Variants in CCDC97 observed in about 807,000 individuals in gnomAD.
CCDC97 encodes coiled-coil domain containing 97.
CCDC97 carries 27 observed loss-of-function variants against 33.9 expected under a neutral mutation model. The ratio of observed to expected loss-of-function variants is 0.80; its 90% CI spans 0.59 to 1.10. The LOEUF (loss-of-function observed/expected upper bound fraction) is 1.10, where lower values mean the gene tolerates loss of function less well. Among genes scored for constraint, CCDC97 ranks in the 50% least tolerant of loss-of-function variants. CCDC97 has a pLI of 0.00. For synonymous variants in CCDC97, 217 were observed against 194.0 expected (o/e 1.12, Z -0.99); for missense variants, 422 against 476.6 (o/e 0.89, Z 1.07).
In CCDC97 at chr19:41,320,246, G is replaced by A; in HGVS notation, c.782-95G>A. 3.3e-6 allele frequency: 5 copies of A among 1,529,774 alleles called. No individual in the cohort carries two copies. The South Asian group carries it at 5.9e-5, about 18-fold the overall frequency. 94.8% of individuals were successfully genotyped at this position (1,529,774 alleles called of 1,614,324 possible). A position where few individuals can be genotyped will look rare whatever the true frequency, so the allele number is the denominator to read the frequency against. ...GTGTTCCCAGAGCCACCCAGCGCAA[G>A]GCTGGGCACAGGAGCAGCAGCTCTC... On this transcript the variant is annotated intron_variant, in intron 3 of 4. Transcript: ENST00000269967.
chr19:41,310,731 T>C, intron 1 of CCDC97: 2 of 1,080,344 alleles, frequency 1.9e-6, no homozygotes, highest in Non-Finnish European at 2.3e-6. Context: ...GAGCCTTCCC[T>C]TGCTCTCTAG....
At position 41,315,296 on chromosome 19, in the gene CCDC97, C is replaced by CAAAAA. The variant is rs71177714; in HGVS notation, c.47-1069_47-1065dup. 3.1e-3 allele frequency among the ~76,000 whole-genome samples: 129 copies of CAAAAA among 41,668 alleles called. 1 individual carries two copies. The highest frequency in any genetic ancestry group is 7.5e-3 in the East Asian group (10 of 1,340). The allele number at this position is 41,668 out of a possible 152,430, so 27.3% of individuals were successfully genotyped here. ...TGGGCGAAAGAGCGAGACTCCGTCT[C>CAAAAA]AAAAAAAAAAAAAAAAAAAAAAAGA... On this transcript the variant is annotated intron_variant, in intron 1 of 4. Coordinates refer to ENST00000269967, the MANE Select transcript of CCDC97 (RefSeq NM_052848.3).
In CCDC97 at chr19:41,322,720, C is replaced by T. The variant is rs759462851; in HGVS notation, c.*5C>T. 9.3e-6 allele frequency: 15 copies of T among 1,611,990 alleles called. No homozygotes were observed. Among genetic ancestry groups the T allele is most frequent in the South Asian group, 3.3e-5 (3 of 90,938 alleles). On this transcript the variant is annotated 3_prime_UTR_variant, in exon 5 of 5. Transcript: ENST00000269967. The stretch of plus-strand genomic sequence containing the variant: ...CCAGAGCTGGATGGGGACTGATGGC[C>T]GCCACCCTTCCCACCGCCTGCCCCA...
chr19:41,322,829 C>T lies in CCDC97; in HGVS notation c.*114C>T. 8.5e-7 allele frequency: 1 copy of T among 1,177,812 alleles called. No individual in the cohort carries two copies. Among genetic ancestry groups the T allele is most frequent in the Non-Finnish European group, 1.2e-6 (1 of 837,658 alleles). The allele number at this position is 1,177,812 out of a possible 1,614,324, so 73.0% of individuals were successfully genotyped here. ...GGACATCAGGGCAGTGCCCCACAAC[C>T]CACACACACCACCATCTCACTGGGT... On this transcript the variant is annotated 3_prime_UTR_variant, in exon 5 of 5. Coordinates refer to ENST00000269967, the MANE Select transcript of CCDC97 (RefSeq NM_052848.3).
chr19:41,317,699 A>C (rs1464682998), intron 2 of CCDC97, among the ~76,000 whole-genome samples: 17 of 149,674 alleles, frequency 1.1e-4, no homozygotes, highest in Admixed American at 2.7e-4. Flanking sequence ...CGATAAAGCC[A>C]GATCTTGTCT....
intron 1 of CCDC97, chr19:41,310,622 GCTAA>G (rs1258613018): frequency 2.0e-6 from 2 of 984,994 alleles, no homozygotes; most frequent in Non-Finnish European, 2.4e-6. Context: ...TCCTTACCAG[GCTAA>G]CTCTCAAATT....
chr19:41,320,748 C>T, intron 4 of CCDC97: 1 of 349,246 alleles, frequency 2.9e-6, no homozygotes, highest in Non-Finnish European at 5.5e-6. Flanking sequence ...CACTTCCCTC[C>T]TGGCAATGGC....
chr19:41,318,079 TAAAGG>T (rs2037771893), intron 2 of CCDC97, among the ~76,000 whole-genome samples: 1 of 147,994 alleles, frequency 6.8e-6, no homozygotes, highest in East Asian at 2.0e-4. Context: ...AAGATGGAGA[TAAAGG>T]AAGAGATGGA....
Position 41,322,690 on chromosome 19 carries a change from C to T in CCDC97, c.1007C>T (p.Pro336Leu). ...YFDEEEPEDA[P>L]SPELDGD ...GATGAGGAAGAACCTGAGGATGCGC[C>T]CAGCCCAGAGCTGGATGGGGACTGA... Residue 336 changes from proline (P) to leucine (L), a missense_variant, in exon 5 of 5, where the codon CCC becomes CTC. Physicochemically the swap from Pro to Leu is moderately conservative, Grantham distance 98. Coordinates refer to ENST00000269967, the MANE Select transcript of CCDC97 (RefSeq NM_052848.3). The T allele has an allele frequency of 1.2e-6, 2 of 1,613,796 alleles. No homozygotes were observed. The highest frequency in any genetic ancestry group is 1.7e-6 in the Non-Finnish European group (2 of 1,179,810).
chr19:41,316,720 G>A lies in CCDC97; in HGVS notation c.383G>A (p.Gly128Asp). Residue 128 changes from glycine to aspartate, a missense_variant, in exon 2 of 5, where the codon GGC (glycine) becomes GAC (aspartate). Transcript: ENST00000269967. The stretch of plus-strand genomic sequence containing the variant: ...CTGGCCTGCTTTGGCCACGTGCGTG[G>A]CGACCACCGTGCAGACTTCTACTGT... The part of the protein sequence containing the change: ...EHLACFGHVR[G>D]DHRADFYCAE... The A allele has an allele frequency of 6.2e-7, 1 of 1,613,888 alleles. No individual in the cohort carries two copies.
chr19:41,321,537 A>G (rs913244859), intron 4 of CCDC97, among the ~76,000 whole-genome samples: 1 of 152,150 alleles, frequency 6.6e-6, no homozygotes, highest in African/African-American at 2.4e-5. Context: ...AAACCAACGA[A>G]AGGCTTCCCT....
At chr19:41,319,306 C>A (rs1305670943) in intron 2 of CCDC97, among the ~76,000 whole-genome samples, 4 of 152,236 alleles carry the variant, frequency 2.6e-5, no homozygotes, top group African/African-American at 9.6e-5. Context: ...TGCATGAGTG[C>A]TTGCGCACAC....
In CCDC97 at chr19:41,319,278, C is replaced by G. The variant is rs544025617; in HGVS notation, c.503-296C>G. On this transcript the variant is annotated intron_variant, in intron 2 of 4. Coordinates refer to ENST00000269967, the MANE Select transcript of CCDC97 (RefSeq NM_052848.3). ...AGGTGCCTGCACGAGTAATCACATG[C>G]ACATGACCTCAGGTGCCTGCATGAG... 1.9e-3 allele frequency among the ~76,000 whole-genome samples: 296 copies of G among 152,300 alleles called. 1 individual carries two copies. Among genetic ancestry groups the G allele is most frequent in the African/African-American group, 6.8e-3 (284 of 41,578 alleles).
At chr19:41,318,748 C>T (rs2123060393) in intron 2 of CCDC97, among the ~76,000 whole-genome samples, 1 of 152,292 alleles carries the variant, frequency 6.6e-6, no homozygotes, top group East Asian at 1.9e-4. Flanking sequence ...CCAGGCCCAC[C>T]TGAGGGGTTG....
intron 2 of CCDC97, among the ~76,000 whole-genome samples, chr19:41,319,264 C>T (rs1049282788): frequency 5.9e-5 from 9 of 152,148 alleles, no homozygotes; most frequent in South Asian, 2.1e-4. Context: ...GGTGCCTGCA[C>T]GAGTAATCAC....
At chr19:41,314,672 T>G (rs1207226389) in intron 1 of CCDC97, among the ~76,000 whole-genome samples, 1 of 152,216 alleles carries the variant, frequency 6.6e-6, no homozygotes, top group African/African-American at 2.4e-5. Flanking sequence ...AAATGTCACT[T>G]TTTTGGCAAA....
intron 2 of CCDC97, among the ~76,000 whole-genome samples, chr19:41,318,538 G>A (rs1470168335): frequency 6.6e-6 from 1 of 152,200 alleles, no homozygotes; most frequent in Non-Finnish European, 1.5e-5. Flanking sequence ...GAGCAGGACA[G>A]GGACAGTCAC....
Position 41,322,646 on chromosome 19 carries a change from TGAGGAGGAGAG to T in CCDC97, c.965_975del (p.Glu322ValfsTer3), listed in dbSNP as rs1472885928. ...ACAACCTCGACATCGTGGCACGGGA[TGAGGAGGAGAG>T]GTACTTTGATGAGGAAGAACCTGAG... On this transcript the variant is annotated frameshift_variant, in exon 5 of 5. Coordinates refer to ENST00000269967, the MANE Select transcript of CCDC97 (RefSeq NM_052848.3). LOFTEE classifies it high-confidence loss of function. 2.5e-6 allele frequency: 4 copies of T among 1,613,590 alleles called. No homozygotes were observed. The highest frequency in any genetic ancestry group is 2.5e-6 in the Non-Finnish European group (3 of 1,179,808).
intron 2 of CCDC97, 41 bp from the exon 3 acceptor site, chr19:41,319,533 A>C: frequency 7.0e-7 from 1 of 1,421,166 alleles, no homozygotes. Context: ...CTATCTGCTC[A>C]GTCGCTCACC....
Sources: allele counts gnomAD v4.1 joint callset (sites outside exome capture counted in the v4.1 genomes callset), GRCh38; gene constraint gnomAD v4.1.1; transcripts MANE v1.5; gene names NCBI Gene and HGNC (gene_info 2026-07-23, HGNC 2026-07-21).